Variants in EDA observed in about 807,000 individuals in gnomAD.
EDA encodes the protein ectodysplasin-A.
EDA carries 2 observed loss-of-function variants against 23.6 expected under a neutral mutation model. The observed-to-expected ratio is 0.08, with a 90% CI of 0.03 to 0.27. EDA has a LOEUF of 0.27. Ranked by LOEUF, EDA falls within the 10% of genes least tolerant of loss-of-function variation. The probability of loss-of-function intolerance (pLI) is 1.00; values close to 1 mark genes in which losing one functional copy is unlikely to be tolerated. For missense variants in EDA, 229 were observed against 324.2 expected (o/e 0.71, Z 2.26); for synonymous variants, 131 against 132.0 (o/e 0.99, Z 0.05).
At chrX:69,856,517 C>A in intron 1 of EDA, among the ~76,000 whole-genome samples, 1 of 110,064 alleles carries the variant, frequency 9.1e-6, no homozygotes, top group East Asian at 2.8e-4. Flanking sequence ...CACATCCACA[C>A]CAACATCTGT....
intron 1 of EDA, among the ~76,000 whole-genome samples, chrX:69,854,090 C>T (rs1569355833): frequency 2.7e-5 from 3 of 111,337 alleles, no homozygotes; most frequent in South Asian, 3.8e-4. Flanking sequence ...TAGATTATTT[C>T]GTCACTCAGG....
intron 2 of EDA, among the ~76,000 whole-genome samples, chrX:69,979,669 A>G (rs1279661741): frequency 3.6e-5 from 4 of 111,664 alleles, no homozygotes; most frequent in African/African-American, 1.3e-4. Flanking sequence ...TCATGTGATT[A>G]TTGGCCATTT....
intron 1 of EDA, among the ~76,000 whole-genome samples, chrX:69,757,088 G>A (rs2014145744): frequency 9.0e-6 from 1 of 111,662 alleles, no homozygotes; most frequent in Non-Finnish European, 1.9e-5. Context: ...AAACAGGAAG[G>A]TCTGTTAAGG....
At chrX:69,776,704 A>G (rs1045617132) in intron 1 of EDA, among the ~76,000 whole-genome samples, 3 of 111,204 alleles carry the variant, frequency 2.7e-5, no homozygotes, top group African/African-American at 9.8e-5. Context: ...GAGAATTTTA[A>G]TATATGCACA....
chrX:69,940,579 T>C (rs1212069942), intron 1 of EDA, among the ~76,000 whole-genome samples: 1 of 110,927 alleles, frequency 9.0e-6, no homozygotes, highest in Non-Finnish European at 1.9e-5. Flanking sequence ...AAATTTCTAC[T>C]CTAATCATTA....
chrX:69,940,385 A>G (rs1482792988), intron 1 of EDA, among the ~76,000 whole-genome samples: 1 of 110,940 alleles, frequency 9.0e-6, no homozygotes, highest in Non-Finnish European at 1.9e-5. Context: ...ACAGTTGTTC[A>G]TAATAGCCTA....
intron 1 of EDA, among the ~76,000 whole-genome samples, chrX:69,698,272 G>C (rs2011423477): frequency 9.0e-6 from 1 of 111,506 alleles, no homozygotes; most frequent in African/African-American, 3.3e-5. Flanking sequence ...ATCCTTGCGG[G>C]GTGAGCTTGA....
In EDA at chrX:69,765,292, T is replaced by C. The variant is rs745395423; in HGVS notation, c.396+148588T>C. Among the ~76,000 whole-genome samples, 3 of 112,724 alleles carry C rather than the reference T, an allele frequency of 2.7e-5. No individual in the cohort carries two copies. The South Asian group carries it at 1.1e-3, about 41-fold the overall frequency. On this transcript the variant is annotated intron_variant, in intron 1 of 7. Coordinates refer to ENST00000374552, the MANE Select transcript of EDA (RefSeq NM_001399.5). ...CCAGCATTATTTTATATAGGTTCTATCTACCTTGTTATACAAAAGATAATA... is the reference window on the plus strand; with the variant it reads ...CCAGCATTATTTTATATAGGTTCTACCTACCTTGTTATACAAAAGATAATA...
At chrX:69,858,337 C>T (rs1371949151) in intron 1 of EDA, among the ~76,000 whole-genome samples, 3 of 111,761 alleles carry the variant, frequency 2.7e-5, no homozygotes, top group African/African-American at 9.8e-5. Context: ...CCAGCTTTTG[C>T]CCATTAAGTA....
chrX:69,790,735 T>G (rs1174993116), intron 1 of EDA, among the ~76,000 whole-genome samples: 1 of 111,496 alleles, frequency 9.0e-6, no homozygotes, highest in Non-Finnish European at 1.9e-5. Flanking sequence ...ATCTAGATGG[T>G]CTGCTCTACA....
chrX:69,904,800 A>G (rs1368305815), intron 1 of EDA, among the ~76,000 whole-genome samples: 2 of 111,828 alleles, frequency 1.8e-5, no homozygotes, highest in Non-Finnish European at 3.8e-5. Context: ...TGCCTGACTT[A>G]TTTCATTTAA....
chrX:69,700,861 T>G (rs1195910449), intron 1 of EDA, among the ~76,000 whole-genome samples: 3 of 110,599 alleles, frequency 2.7e-5, no homozygotes, highest in Non-Finnish European at 5.7e-5. Context: ...GTTGATGCAT[T>G]GGGTACTATG....
intron 1 of EDA, among the ~76,000 whole-genome samples, chrX:69,784,645 A>G (rs2015086765): frequency 9.3e-6 from 1 of 107,600 alleles, no homozygotes; most frequent in African/African-American, 3.4e-5. Context: ...TGTTCCATTG[A>G]TCTATATCTC....
At chrX:69,972,134 G>A (rs1417378092) in intron 2 of EDA, among the ~76,000 whole-genome samples, 1 of 111,474 alleles carries the variant, frequency 9.0e-6, no homozygotes, top group Non-Finnish European at 1.9e-5. Flanking sequence ...GCTATACTGT[G>A]TAATATACAT....
chrX:69,825,557 T>C (rs1213773756), intron 1 of EDA, among the ~76,000 whole-genome samples: 1 of 112,315 alleles, frequency 8.9e-6, no homozygotes, highest in Non-Finnish European at 1.9e-5. Flanking sequence ...CCCTTTATCA[T>C]TTTTTATTGC....
At chrX:69,657,107 T>G (rs1933344789) in intron 1 of EDA, among the ~76,000 whole-genome samples, 1 of 112,215 alleles carries the variant, frequency 8.9e-6, no homozygotes, top group African/African-American at 3.2e-5. Flanking sequence ...CTAATTTGCA[T>G]TCCCACCAAC....
chrX:69,745,014 A>G (rs949806900), intron 1 of EDA, among the ~76,000 whole-genome samples: 6 of 111,395 alleles, frequency 5.4e-5, no homozygotes, highest in Non-Finnish European at 1.1e-4. Flanking sequence ...TGGACTTCAG[A>G]TTATTTTTCA....
At chrX:69,950,982 C>T (rs1266981715) in intron 1 of EDA, among the ~76,000 whole-genome samples, 3 of 102,022 alleles carry the variant, frequency 2.9e-5, no homozygotes, top group Admixed American at 1.1e-4. Context: ...GGGAGATATA[C>T]CTAATGGTAG....
At chrX:69,767,096 T>C (rs1468905026) in intron 1 of EDA, among the ~76,000 whole-genome samples, 1 of 111,643 alleles carries the variant, frequency 9.0e-6, no homozygotes, top group African/African-American at 3.3e-5. Context: ...CCTAGTCCTT[T>C]GGCTAGAAAG....
Sources: gnomAD v4.1 joint callset for allele counts (sites outside exome capture counted in the v4.1 genomes callset) on GRCh38, gnomAD v4.1.1 for gene constraint, MANE v1.5 for transcripts, NCBI Gene and HGNC (gene_info 2026-07-23, HGNC 2026-07-21) for gene names.